CNBD1: variants seen among roughly 807,000 people sequenced by gnomAD.
The protein encoded by CNBD1 is cyclic nucleotide-binding domain-containing protein 1.
Under a neutral mutation model 54.4 loss-of-function variants are expected in CNBD1, and 71 were observed. That is an observed-to-expected ratio of 1.30 (90% CI 1.08 to 1.59). The LOEUF (loss-of-function observed/expected upper bound fraction) is 1.59. CNBD1 is among the 40% of genes most tolerant of loss of function. CNBD1 has a pLI of 0.00. For missense variants in CNBD1, 659 were observed against 518.0 expected, an observed-to-expected ratio of 1.27 and a Z score of -2.64; for synonymous variants, 182 against 170.7, an observed-to-expected ratio of 1.07 and a Z score of -0.51.
At position 87,309,299 on chromosome 8, in the gene CNBD1, C is replaced by A. The variant is rs534968037; in HGVS notation, c.1042+22628C>A. Among the ~76,000 whole-genome samples, 6 of 152,168 alleles carry A rather than the reference C, an allele frequency of 3.9e-5. No individual in the cohort carries two copies. The East Asian group carries it at 1.2e-3, about 29-fold the overall frequency. On this transcript the variant is annotated intron_variant, in intron 8 of 10. Coordinates refer to ENST00000518476, the MANE Select transcript of CNBD1 (RefSeq NM_173538.3). ...AAAACTAGGATAATATAATCGGTTT[C>A]TTCTTATTACCAAATCATCTCTGCT...
chr8:86,948,461 T>A (rs1446401463), intron 4 of CNBD1, among the ~76,000 whole-genome samples: 2 of 152,146 alleles, frequency 1.3e-5, no homozygotes, highest in Non-Finnish European at 2.9e-5. Context: ...TAAACTAGAG[T>A]GAGATGACAC....
chr8:87,201,195 T>C (rs1813852489), intron 4 of CNBD1, among the ~76,000 whole-genome samples: 1 of 151,990 alleles, frequency 6.6e-6, no homozygotes, highest in South Asian at 2.1e-4. Context: ...CACCCATTCA[T>C]GATGAAAAAA....
chr8:87,206,220 A>G, intron 5 of CNBD1, 82 bp downstream of exon 5: 1 of 1,096,760 alleles, frequency 9.1e-7, no homozygotes, highest in Non-Finnish European at 1.2e-6. Context: ...AATGCTTATA[A>G]TTTCACTTAA....
At chr8:87,406,447 TACAC>T (rs36222951) in intron 2 of CNBD1, among the ~76,000 whole-genome samples, 1,959 of 122,044 alleles carry the variant, frequency 0.016, 36 homozygotes, top group South Asian at 0.046. Context: ...TATGTGTGTA[TACAC>T]ACACACACAC....
chr8:87,116,772 C>T (rs1050677356), intron 4 of CNBD1, among the ~76,000 whole-genome samples: 4 of 152,060 alleles, frequency 2.6e-5, no homozygotes, highest in Admixed American at 2.6e-4. Flanking sequence ...GCTGGTTAGG[C>T]CTGAGGTCAA....
At chr8:86,897,424 G>T (rs1353816287) in intron 2 of CNBD1, among the ~76,000 whole-genome samples, 4 of 152,194 alleles carry the variant, frequency 2.6e-5, no homozygotes, top group Non-Finnish European at 5.9e-5. Context: ...TGAAAGAGCA[G>T]ACATGGTATG....
chr8:86,968,918 A>C lies in CNBD1; in HGVS notation c.431+29164A>C, dbSNP rs181843521. 2.4e-3 allele frequency among the ~76,000 whole-genome samples: 360 copies of C among 152,286 alleles called. 1 individual carries two copies. The highest frequency in any genetic ancestry group is 8.4e-3 in the African/African-American group (350 of 41,568). The stretch of plus-strand genomic sequence containing the variant: ...CTGTGAAGATAAGCTATCAATTTAC[A>C]TTGACAAGGTGAAATTCAGCAGAAC... On this transcript the variant is annotated intron_variant, in intron 4 of 10. Transcript: ENST00000518476.
rs1812893995 is a variant in CNBD1, at chr8:87,163,253, G to T, written c.432-42740G>T. ...GTAACATAATTTGAAATCAGGAAGT[G>T]TGATGTCCCCAGCTTTGTTTTTCTT... On this transcript the variant is annotated intron_variant, in intron 4 of 10. Coordinates refer to ENST00000518476, the MANE Select transcript of CNBD1 (RefSeq NM_173538.3). This position sits in a 1 kb window ranked among gnomAD's most constrained non-coding sequence, Gnocchi z 4.5. Among the ~76,000 whole-genome samples, 1 of 151,996 alleles carries T rather than the reference G, an allele frequency of 6.6e-6. No homozygotes were observed. Among genetic ancestry groups the T allele is most frequent in the Non-Finnish European group, 1.5e-5 (1 of 67,988 alleles).
chr8:87,392,905 T>C (rs921288919), intron 2 of CNBD1, among the ~76,000 whole-genome samples: 2 of 151,968 alleles, frequency 1.3e-5, no homozygotes, highest in Admixed American at 6.6e-5. Context: ...GGAAGTCTTA[T>C]TCTAGATGCA....
At chr8:87,028,522 G>A (rs1466540124) in intron 4 of CNBD1, among the ~76,000 whole-genome samples, 1 of 152,186 alleles carries the variant, frequency 6.6e-6, no homozygotes, top group Non-Finnish European at 1.5e-5. Context: ...CAAGGAGGAA[G>A]GCTTTAATCA....
chr8:87,009,193 T>C (rs1809164696), intron 4 of CNBD1, among the ~76,000 whole-genome samples: 1 of 152,170 alleles, frequency 6.6e-6, no homozygotes, highest in African/African-American at 2.4e-5. Context: ...ATAATAAGCT[T>C]AAAATAGTTT....
At chr8:87,189,762 T>C (rs1813559525) in intron 4 of CNBD1, among the ~76,000 whole-genome samples, 1 of 152,192 alleles carries the variant, frequency 6.6e-6, no homozygotes, top group Non-Finnish European at 1.5e-5. Context: ...TGATCAGCAT[T>C]TGTCATATGA....
At chr8:87,171,504 TTTTA>T (rs1419896423) in intron 4 of CNBD1, among the ~76,000 whole-genome samples, 5 of 152,038 alleles carry the variant, frequency 3.3e-5, no homozygotes, top group African/African-American at 1.2e-4. Context: ...CTTGGTTCAA[TTTTA>T]TTTATCTCTG....
At chr8:87,065,891 G>A (rs1014171744) in intron 4 of CNBD1, among the ~76,000 whole-genome samples, 1 of 151,890 alleles carries the variant, frequency 6.6e-6, no homozygotes, top group African/African-American at 2.4e-5. Context: ...TAACCTATAT[G>A]TGATACTTTC....
At chr8:87,394,409 C>T (rs951088479) in intron 2 of CNBD1, among the ~76,000 whole-genome samples, 10 of 151,822 alleles carry the variant, frequency 6.6e-5, no homozygotes, top group African/African-American at 2.4e-4. Flanking sequence ...CACGAACCAA[C>T]TTATCCTGAC....
intron 4 of CNBD1, among the ~76,000 whole-genome samples, chr8:87,049,022 G>A (rs1167071692): frequency 6.6e-6 from 1 of 152,204 alleles, no homozygotes; most frequent in Non-Finnish European, 1.5e-5. Context: ...TAACCATCCC[G>A]AGGGCTGAAA....
intron 2 of CNBD1, among the ~76,000 whole-genome samples, chr8:87,408,246 C>T (rs1360412485): frequency 1.3e-5 from 2 of 151,860 alleles, no homozygotes; most frequent in Middle Eastern, 3.2e-3. Flanking sequence ...CAGACCTTTT[C>T]TTACATTGTT....
intron 4 of CNBD1, among the ~76,000 whole-genome samples, chr8:87,137,494 G>T (rs1311577533): frequency 1.3e-5 from 2 of 151,818 alleles, no homozygotes; most frequent in African/African-American, 4.8e-5. Flanking sequence ...GAGCCACCGC[G>T]GCCGGCCAGA....
chr8:87,049,095 T>C (rs963083022), intron 4 of CNBD1, among the ~76,000 whole-genome samples: 7 of 152,236 alleles, frequency 4.6e-5, no homozygotes, highest in Non-Finnish European at 1.0e-4. Flanking sequence ...CTTACTTCTC[T>C]TATGGAGCCC....
Sources: gnomAD v4.1 joint callset for allele counts (sites outside exome capture counted in the v4.1 genomes callset) on GRCh38, gnomAD v4.1.1 for gene constraint, Gnocchi (gnomAD v3.1) non-coding constraint, MANE v1.5 for transcripts, NCBI Gene and HGNC (gene_info 2026-07-23, HGNC 2026-07-21) for gene names.